The following NRG1 variants were observed in gnomAD, a reference collection of about 807,000 sequenced individuals.
NRG1 encodes neuregulin 1.
A neutral mutation model predicts 63.8 loss-of-function variants in NRG1; 18 were observed. That is an observed-to-expected ratio of 0.28 (90% CI 0.19 to 0.42). The LOEUF (loss-of-function observed/expected upper bound fraction) is 0.42, where lower values mean the gene tolerates loss of function less well. NRG1 is among the 10% of genes least tolerant of loss of function. The pLI is 1.00. For missense variants in NRG1, 762 were observed against 814.7 expected (o/e 0.94, Z 0.79); for synonymous variants, 302 against 301.3 (o/e 1.00, Z -0.02).
At chr8:32,041,385 T>G (rs1416529940) in intron 1 of NRG1, among the ~76,000 whole-genome samples, 1 of 152,178 alleles carries the variant, frequency 6.6e-6, no homozygotes, top group Non-Finnish European at 1.5e-5. Flanking sequence ...AATACAACTA[T>G]CAAACCTGGA....
chr8:31,773,124 T>G (rs562388784), intron 1 of NRG1, among the ~76,000 whole-genome samples: 1 of 152,256 alleles, frequency 6.6e-6, no homozygotes, highest in South Asian at 2.1e-4. Flanking sequence ...GAACCTATTT[T>G]TATAGCAAGA....
At chr8:31,828,561 C>G (rs1430844871) in intron 1 of NRG1, among the ~76,000 whole-genome samples, 1 of 152,114 alleles carries the variant, frequency 6.6e-6, no homozygotes, top group Non-Finnish European at 1.5e-5. Context: ...GGTGTAAACA[C>G]CACCCGCGCT....
chr8:32,229,783 A>G (rs1846715747), intron 1 of NRG1, among the ~76,000 whole-genome samples: 1 of 152,226 alleles, frequency 6.6e-6, no homozygotes, highest in African/African-American at 2.4e-5. Flanking sequence ...CATTGGCCAT[A>G]TAATTTCTAC....
At chr8:32,365,176 A>G (rs1333199354) in intron 1 of NRG1, among the ~76,000 whole-genome samples, 3 of 152,022 alleles carry the variant, frequency 2.0e-5, no homozygotes, top group African/African-American at 7.2e-5. Flanking sequence ...GCGAGAGCCA[A>G]CTTGCCCAGC....
intron 7 of NRG1, chr8:32,751,024 G>A (rs1294301296): frequency 6.6e-6 from 1 of 152,154 alleles, no homozygotes; most frequent in African/African-American, 2.4e-5. Context: ...TATAGCTGGA[G>A]GGTCTGACTA....
At chr8:32,395,145 C>T (rs759405243) in intron 1 of NRG1, among the ~76,000 whole-genome samples, 1 of 152,108 alleles carries the variant, frequency 6.6e-6, no homozygotes, top group Non-Finnish European at 1.5e-5. Context: ...ATACAAAGTA[C>T]TATGTGGATA....
At chr8:32,399,944 T>G (rs1812951136) in intron 1 of NRG1, among the ~76,000 whole-genome samples, 1 of 152,172 alleles carries the variant, frequency 6.6e-6, no homozygotes, top group African/African-American at 2.4e-5. Context: ...CTTGCAGACT[T>G]TGTTTTGCAG....
At chr8:31,943,056 G>T (rs1413289254) in intron 1 of NRG1, among the ~76,000 whole-genome samples, 2 of 152,036 alleles carry the variant, frequency 1.3e-5, no homozygotes, top group Non-Finnish European at 2.9e-5. Flanking sequence ...ATACAAAAAA[G>T]ATACTTGCAC....
chr8:32,238,406 G>A (rs1196974699), intron 1 of NRG1, among the ~76,000 whole-genome samples: 12 of 148,240 alleles, frequency 8.1e-5, no homozygotes. Context: ...AGTGAGCCAA[G>A]ATTGTCCAGC....
At chr8:31,824,685 G>A (rs1824362712) in intron 1 of NRG1, among the ~76,000 whole-genome samples, 1 of 152,220 alleles carries the variant, frequency 6.6e-6, no homozygotes, top group Admixed American at 6.5e-5. Context: ...TGCATGTAAA[G>A]CTAATTGTTT....
At chr8:32,198,503 T>A (rs1445607337) in intron 1 of NRG1, among the ~76,000 whole-genome samples, 1 of 152,194 alleles carries the variant, frequency 6.6e-6, no homozygotes, top group Non-Finnish European at 1.5e-5. Flanking sequence ...CTAATCCAGA[T>A]AACTAAGCTA....
At chr8:32,058,939 G>A (rs781185234) in intron 1 of NRG1, among the ~76,000 whole-genome samples, 20 of 151,984 alleles carry the variant, frequency 1.3e-4, no homozygotes, top group Admixed American at 5.3e-4. Flanking sequence ...ATATTTGCAC[G>A]TTCTGCTAAA....
chr8:32,573,580 G>A (rs1361764765), intron 1 of NRG1, among the ~76,000 whole-genome samples: 2 of 152,042 alleles, frequency 1.3e-5, no homozygotes, highest in East Asian at 3.9e-4. Flanking sequence ...CTTTTCATTA[G>A]GAATCTGAGT....
At chr8:32,217,257 T>G (rs1480053610) in intron 1 of NRG1, among the ~76,000 whole-genome samples, 1 of 147,948 alleles carries the variant, frequency 6.8e-6, no homozygotes. Context: ...CTTGGTGCAC[T>G]TATGAAAGCC....
At chr8:31,947,005 A>G (rs1585979891) in intron 1 of NRG1, among the ~76,000 whole-genome samples, 1 of 152,192 alleles carries the variant, frequency 6.6e-6, no homozygotes, top group Non-Finnish European at 1.5e-5. Flanking sequence ...TTTTACTTAG[A>G]AAAGAATGGA....
At chr8:32,312,160 T>TG (rs1279286861) in intron 1 of NRG1, among the ~76,000 whole-genome samples, 19 of 121,920 alleles carry the variant, frequency 1.6e-4, no homozygotes, top group African/African-American at 4.1e-4. Flanking sequence ...CTTGTTTGTT[T>TG]TTTTTTTTTT....
At chr8:31,889,273 A>G (rs949841856) in intron 1 of NRG1, among the ~76,000 whole-genome samples, 3 of 152,156 alleles carry the variant, frequency 2.0e-5, no homozygotes, top group Non-Finnish European at 4.4e-5. Context: ...TCCATATATG[A>G]TGCCCCTTTT....
At chr8:31,791,747 C>T (rs1396564345) in intron 1 of NRG1, among the ~76,000 whole-genome samples, 2 of 152,088 alleles carry the variant, frequency 1.3e-5, no homozygotes, top group East Asian at 1.9e-4. Flanking sequence ...CATGGCTGCC[C>T]GGGCAGTGTC....
At chr8:31,835,818 G>T (rs1825640916) in intron 1 of NRG1, among the ~76,000 whole-genome samples, 1 of 152,130 alleles carries the variant, frequency 6.6e-6, no homozygotes, top group African/African-American at 2.4e-5. Flanking sequence ...TATAGAGTCT[G>T]CTAGACTGTG....
Sources: gnomAD v4.1 joint callset for allele counts (sites outside exome capture counted in the v4.1 genomes callset) on GRCh38, gnomAD v4.1.1 for gene constraint, MANE v1.5 for transcripts, NCBI Gene and HGNC (gene_info 2026-07-23, HGNC 2026-07-21) for gene names.